The following GRB10 variants were observed in gnomAD, a reference collection of about 807,000 sequenced individuals.
The protein encoded by GRB10 is growth factor receptor-bound protein 10.
A neutral mutation model predicts 80.9 loss-of-function variants in GRB10; 20 were observed. That is an observed-to-expected ratio of 0.25 (90% confidence interval 0.17 to 0.36). The LOEUF is 0.36. Among genes scored for constraint, GRB10 ranks in the 10% least tolerant of loss-of-function variants. The pLI, the probability that GRB10 is intolerant of heterozygous loss-of-function variation, is 1.00. For missense variants in GRB10, 548 were observed against 747.7 expected (o/e 0.73, Z 3.12); for synonymous variants, 291 against 291.5 (o/e 1.00, Z 0.02).
At position 50,616,480 on chromosome 7, in the gene GRB10, T is replaced by C. The variant is rs1044525399; in HGVS notation, c.847-133A>G. The stretch of plus-strand genomic sequence containing the variant: ...TTGGATCAAAATGAGAGTGTTCTCC[T>C]TTCCAAAGTCTTAAAATCCCATCTC... On this transcript the variant is annotated intron_variant, in intron 10 of 18. Transcript: ENST00000401949. 2.5e-5 allele frequency: 21 copies of C among 835,772 alleles called. No homozygotes were observed. In the Middle Eastern group the frequency reaches 8.9e-4, roughly 35 times the overall value. The allele number at this position is 835,772 out of a possible 1,614,324, so 51.8% of individuals were successfully genotyped here.
chr7:50,590,937 G>A lies in GRB10; in HGVS notation c.*2015C>T, dbSNP rs1213618584. 6.6e-6 allele frequency: 1 copy of A among 152,204 alleles called. No homozygotes were observed. Among genetic ancestry groups the A allele is most frequent in the African/African-American group, 2.4e-5 (1 of 41,442 alleles). 9.4% of individuals were successfully genotyped at this position (152,204 alleles called of 1,614,324 possible). A position where few individuals can be genotyped will look rare whatever the true frequency, so the allele number is the denominator to read the frequency against. On this transcript the variant is annotated 3_prime_UTR_variant, in exon 19 of 19. Coordinates refer to ENST00000401949, the MANE Select transcript of GRB10 (RefSeq NM_001350814.2). ...AAATACAAGCTGTCTATTGGAGAGA[G>A]GCGTGTGAGAGAGAGATTATACACT...
At chr7:50,751,439 T>G in intron 3 of GRB10, among the ~76,000 whole-genome samples, 1 of 151,542 alleles carries the variant, frequency 6.6e-6, no homozygotes, top group African/African-American at 2.4e-5. Context: ...TAAAAAGGAG[T>G]GAAATATTGA....
intron 4 of GRB10, among the ~76,000 whole-genome samples, chr7:50,716,422 T>A (rs1384829055): frequency 6.6e-6 from 1 of 151,996 alleles, no homozygotes; most frequent in Non-Finnish European, 1.5e-5. Context: ...CAGGTGAAAT[T>A]TACAATGACT....
At chr7:50,609,621 C>T (rs2049152261) in intron 13 of GRB10, among the ~76,000 whole-genome samples, 1 of 152,172 alleles carries the variant, frequency 6.6e-6, no homozygotes, top group Non-Finnish European at 1.5e-5. Context: ...CATGTAAAAC[C>T]AAAGCAATCA....
chr7:50,753,045 G>T (rs993738088), intron 3 of GRB10, among the ~76,000 whole-genome samples: 2 of 152,200 alleles, frequency 1.3e-5, no homozygotes, highest in African/African-American at 2.4e-5. Flanking sequence ...CTTAGAGGCA[G>T]TGAGCAGCGA....
intron 12 of GRB10, among the ~76,000 whole-genome samples, chr7:50,614,287 CACGT>C (rs2050127319): frequency 6.6e-6 from 1 of 152,108 alleles, no homozygotes; most frequent in African/African-American, 2.4e-5. Flanking sequence ...TGTGTGTGCA[CACGT>C]GTGTGTGCAT....
At chr7:50,716,166 A>C (rs2066836150) in intron 4 of GRB10, among the ~76,000 whole-genome samples, 1 of 152,236 alleles carries the variant, frequency 6.6e-6, no homozygotes, top group African/African-American at 2.4e-5. Flanking sequence ...TCTGGAGAGA[A>C]GCGTGTTCCC....
chr7:50,725,119 C>CGGGG (rs2068396031), intron 4 of GRB10, among the ~76,000 whole-genome samples: 1 of 152,146 alleles, frequency 6.6e-6, no homozygotes, highest in African/African-American at 2.4e-5. Context: ...TTTGTATCCC[C>CGGGG]GCCCAAAATC....
intron 8 of GRB10, among the ~76,000 whole-genome samples, chr7:50,624,414 C>T (rs887353173): frequency 2.6e-5 from 4 of 152,208 alleles, no homozygotes; most frequent in Admixed American, 2.6e-4. Context: ...ACCCTGCAGC[C>T]CTGCATTTTC....
intron 5 of GRB10, among the ~76,000 whole-genome samples, chr7:50,702,578 T>C (rs1265645945): frequency 6.6e-6 from 1 of 152,034 alleles, no homozygotes; most frequent in Non-Finnish European, 1.5e-5. Context: ...GGAGCAGAGG[T>C]AGGGTTCAAC....
intron 4 of GRB10, among the ~76,000 whole-genome samples, chr7:50,716,376 G>T (rs2066877851): frequency 6.6e-6 from 1 of 152,024 alleles, no homozygotes; most frequent in African/African-American, 2.4e-5. Context: ...ATATTTAAAA[G>T]AATAGCCCCC....
intron 9 of GRB10, among the ~76,000 whole-genome samples, chr7:50,618,908 CCT>C (rs558505170): frequency 3.9e-5 from 6 of 152,348 alleles, no homozygotes; most frequent in Non-Finnish European, 7.3e-5. Context: ...TCTCCCAGCT[CCT>C]GTCTTAGAGA....
At position 50,671,188 on chromosome 7, in the gene GRB10, C is replaced by A. The variant is rs559584542; in HGVS notation, c.363-1325G>T. On this transcript the variant is annotated intron_variant, in intron 6 of 18. Coordinates refer to ENST00000401949, the MANE Select transcript of GRB10 (RefSeq NM_001350814.2). Reference sequence around the variant, plus strand: ...CGCGGCCCTGTCTGCAGCCTCCTACCTTCAAGGAGAGGGGAGCAAACCTCA... The same window carrying A: ...CGCGGCCCTGTCTGCAGCCTCCTACATTCAAGGAGAGGGGAGCAAACCTCA... Among the ~76,000 whole-genome samples, 5 of 152,314 alleles carry A rather than the reference C, an allele frequency of 3.3e-5. No individual in the cohort carries two copies. In the South Asian group the frequency reaches 1.0e-3, roughly 32 times the overall value.
intron 3 of GRB10, among the ~76,000 whole-genome samples, chr7:50,742,174 A>C (rs1192075057): frequency 6.6e-6 from 1 of 152,160 alleles, no homozygotes; most frequent in Non-Finnish European, 1.5e-5. Context: ...TGTCAAGGGA[A>C]GGAAAGAAAG....
chr7:50,747,644 A>G (rs1375001009), intron 3 of GRB10: 1 of 152,228 alleles, frequency 6.6e-6, no homozygotes, highest in Non-Finnish European at 1.5e-5. Flanking sequence ...GGAGCAGGGC[A>G]GCTCCATGGG....
chr7:50,605,180 T>C, intron 15 of GRB10, 110 bp downstream of exon 15: 2 of 771,972 alleles, frequency 2.6e-6, no homozygotes, highest in East Asian at 5.0e-5. Context: ...CCACCCAACA[T>C]GGCACCCCTC....
chr7:50,785,852 A>G (rs577790115), upstream of GRB10, among the ~76,000 whole-genome samples: 9 of 152,398 alleles, frequency 5.9e-5, no homozygotes, highest in South Asian at 2.1e-4. Context: ...TTAAAAATTA[A>G]TATCTACAAA....
chr7:50,606,220 G>GCA, intron 14 of GRB10, 117 bp downstream of exon 14: 1 of 861,674 alleles, frequency 1.2e-6, no homozygotes, highest in Non-Finnish European at 2.0e-6. Flanking sequence ...TCCCTGAAAT[G>GCA]CACACACACT....
In GRB10 at chr7:50,606,311, C is replaced by T. The variant is rs189686355; in HGVS notation, c.1272+26G>A. On this transcript the variant is annotated intron_variant, in intron 14 of 18. Coordinates refer to ENST00000401949, the MANE Select transcript of GRB10 (RefSeq NM_001350814.2). ...ATGCAGAAGCTGAAAAGGCACTAGA[C>T]TTCTGAAGCTCCTGGCTTTACTTAC... The T allele has an allele frequency of 8.2e-5, 130 of 1,591,274 alleles. No individual in the cohort carries two copies. The Admixed American group carries it at 1.4e-3, about 17-fold the overall frequency.
Sources: allele counts gnomAD v4.1 joint callset (sites outside exome capture counted in the v4.1 genomes callset), GRCh38; gene constraint gnomAD v4.1.1; transcripts MANE v1.5; gene names NCBI Gene and HGNC (gene_info 2026-07-23, HGNC 2026-07-21).